Variants in MRTFA observed in about 807,000 individuals in gnomAD.
The protein encoded by MRTFA is myocardin-related transcription factor A.
MRTFA carries 20 observed loss-of-function variants against 83.5 expected under a neutral mutation model. The ratio of observed to expected loss-of-function variants is 0.24; its 90% CI spans 0.17 to 0.35. MRTFA has a LOEUF of 0.35. Among genes scored for constraint, MRTFA ranks in the 10% least tolerant of loss-of-function variants. The pLI, the probability that MRTFA is intolerant of heterozygous loss-of-function variation, is 1.00. For missense variants in MRTFA, 1,200 were observed against 1,224.7 expected, an observed-to-expected ratio of 0.98 and a Z score of 0.30; for synonymous variants, 659 against 541.2, an observed-to-expected ratio of 1.22 and a Z score of -3.02.
chr22:40,602,487 C>A (rs1370594727), intron 1 of MRTFA, among the ~76,000 whole-genome samples: 1 of 152,058 alleles, frequency 6.6e-6, no homozygotes, highest in Admixed American at 6.5e-5. Context: ...GAAAGTAAGG[C>A]TGCAGTCACA....
intron 2 of MRTFA, among the ~76,000 whole-genome samples, chr22:40,576,847 A>G (rs1217979451): frequency 2.0e-5 from 3 of 152,190 alleles, no homozygotes; most frequent in African/African-American, 7.2e-5. Context: ...TTGAAAGGCC[A>G]AGGCAGAATG....
intron 2 of MRTFA, among the ~76,000 whole-genome samples, chr22:40,580,979 T>A (rs1247930121): frequency 2.0e-5 from 3 of 152,086 alleles, no homozygotes; most frequent in Non-Finnish European, 4.4e-5. Context: ...TTAATTTTTA[T>A]TCTTTTTTTT....
At chr22:40,446,965 G>A (rs1423757205) in intron 4 of MRTFA, among the ~76,000 whole-genome samples, 2 of 152,210 alleles carry the variant, frequency 1.3e-5, no homozygotes, top group African/African-American at 2.4e-5. Context: ...CACAGTAGGA[G>A]GCAGTATATG....
intron 3 of MRTFA, among the ~76,000 whole-genome samples, chr22:40,496,608 T>A (rs920418743): frequency 1.4e-5 from 2 of 145,868 alleles, no homozygotes; most frequent in African/African-American, 5.1e-5. Flanking sequence ...GTGCCCATTC[T>A]ATAAGCACTC....
intron 3 of MRTFA, among the ~76,000 whole-genome samples, chr22:40,525,442 A>G (rs912108445): frequency 1.3e-5 from 2 of 151,946 alleles, no homozygotes; most frequent in African/African-American, 4.8e-5. Context: ...CAGAGGTTAC[A>G]GTGAGCCGAG....
At chr22:40,503,544 T>A (rs569793581) in intron 3 of MRTFA, among the ~76,000 whole-genome samples, 1 of 152,294 alleles carries the variant, frequency 6.6e-6, no homozygotes, top group East Asian at 1.9e-4. Flanking sequence ...GTGTCCTTTA[T>A]CACATATACT....
At chr22:40,429,010 C>G (rs2053013328) in intron 7 of MRTFA, among the ~76,000 whole-genome samples, 1 of 152,194 alleles carries the variant, frequency 6.6e-6, no homozygotes, top group Non-Finnish European at 1.5e-5. Context: ...TTGGGTGACC[C>G]TCCTCTGTGT....
At chr22:40,550,844 TCTTTTTTC>T (rs1272534223) in intron 3 of MRTFA, among the ~76,000 whole-genome samples, 1 of 74,506 alleles carries the variant, frequency 1.3e-5, no homozygotes, top group Non-Finnish European at 3.5e-5. Flanking sequence ...ATCCATTTTT[TCTTTTTTC>T]TTTTTTTTTT....
chr22:40,532,457 A>G (rs1023881959), intron 3 of MRTFA, among the ~76,000 whole-genome samples: 3 of 152,240 alleles, frequency 2.0e-5, no homozygotes, highest in East Asian at 1.9e-4. Flanking sequence ...TAAGCACACT[A>G]TCTTGTTTAG....
intron 3 of MRTFA, among the ~76,000 whole-genome samples, chr22:40,517,745 C>T (rs781512360): frequency 1.4e-4 from 21 of 152,080 alleles, no homozygotes; most frequent in Non-Finnish European, 2.4e-4. Flanking sequence ...ATAACAGGTC[C>T]CTTTCAACCA....
At chr22:40,564,826 T>G (rs1315497448) in intron 2 of MRTFA, among the ~76,000 whole-genome samples, 2 of 152,052 alleles carry the variant, frequency 1.3e-5, no homozygotes, top group Non-Finnish European at 2.9e-5. Flanking sequence ...TCATTTTTTG[T>G]ATTTTAGTAG....
chr22:40,432,500 A>G (rs73887818), intron 5 of MRTFA, among the ~76,000 whole-genome samples: 3,052 of 152,096 alleles, frequency 0.02, 94 homozygotes, highest in African/African-American at 0.069. Flanking sequence ...TATAATATAT[A>G]TATATTCCCC....
chr22:40,449,099 A>G (rs2053438195), intron 4 of MRTFA, among the ~76,000 whole-genome samples: 1 of 152,044 alleles, frequency 6.6e-6, no homozygotes, highest in African/African-American at 2.4e-5. Context: ...CCCCGTCTCT[A>G]CTAAAAATAC....
Position 40,432,700 on chromosome 22 carries a change from A to T in MRTFA, c.364-1220T>A, listed in dbSNP as rs551526577. Reference sequence around the variant, plus strand: ...AATGAAGAAAAAGAAAAAAAAAAAAAGACTTGTCCTCACCTAGCCATCTGC... The same window carrying T: ...AATGAAGAAAAAGAAAAAAAAAAAATGACTTGTCCTCACCTAGCCATCTGC... On this transcript the variant is annotated intron_variant, in intron 5 of 14. Coordinates refer to ENST00000355630, the MANE Select transcript of MRTFA (RefSeq NM_020831.6). Among the ~76,000 whole-genome samples, 57 of 143,794 alleles carry T rather than the reference A, an allele frequency of 4.0e-4. 1 individual carries two copies. The East Asian group carries it at 0.011, about 28-fold the overall frequency. The allele number at this position is 143,794 out of a possible 152,430, so 94.3% of individuals were successfully genotyped here. A position where few individuals can be genotyped will look rare whatever the true frequency, so the allele number is the denominator to read the frequency against.
chr22:40,434,747 C>T (rs1056173639), intron 5 of MRTFA, among the ~76,000 whole-genome samples: 1 of 151,978 alleles, frequency 6.6e-6, no homozygotes, highest in East Asian at 1.9e-4. Flanking sequence ...ATAAAATAGC[C>T]GTGGGTCTTA....
At chr22:40,481,296 C>T (rs1399042932) in intron 3 of MRTFA, among the ~76,000 whole-genome samples, 1 of 152,122 alleles carries the variant, frequency 6.6e-6, no homozygotes, top group Non-Finnish European at 1.5e-5. Context: ...CTGCATTCGG[C>T]CACAGGTTCT....
intron 2 of MRTFA, among the ~76,000 whole-genome samples, chr22:40,567,738 C>T (rs965750623): frequency 1.3e-5 from 2 of 152,054 alleles, no homozygotes; most frequent in Non-Finnish European, 2.9e-5. Context: ...TTGAGACAAA[C>T]CTCACCTAGC....
intron 2 of MRTFA, among the ~76,000 whole-genome samples, chr22:40,586,302 A>G (rs919448942): frequency 3.7e-4 from 57 of 152,166 alleles, no homozygotes; most frequent in African/African-American, 1.3e-3. Flanking sequence ...AGAACAGTAC[A>G]AACAATAACC....
At chr22:40,459,822 C>CACATATACATATATATAT (rs1308675939) in intron 4 of MRTFA, among the ~76,000 whole-genome samples, 12 of 68,246 alleles carry the variant, frequency 1.8e-4, no homozygotes, top group African/African-American at 7.7e-4. Context: ...CACACACACA[C>CACATATACATATATATAT]ATATATACAT....
Sources: gnomAD v4.1 joint callset for allele counts (sites outside exome capture counted in the v4.1 genomes callset) on GRCh38, gnomAD v4.1.1 for gene constraint, MANE v1.5 for transcripts, NCBI Gene and HGNC (gene_info 2026-07-23, HGNC 2026-07-21) for gene names.